ADARB2: variants seen among roughly 807,000 people sequenced by gnomAD.
ADARB2 encodes inactive double-stranded RNA-specific editase B2.
In ADARB2, 25 loss-of-function variants were observed where a neutral mutation model predicts 62.2. The observed-to-expected ratio is 0.40, with a 90% CI of 0.29 to 0.56. The LOEUF (loss-of-function observed/expected upper bound fraction) is 0.56, where lower values mean the gene tolerates loss of function less well. Ranked by LOEUF, ADARB2 falls within the 20% of genes least tolerant of loss-of-function variation. The pLI, the probability that ADARB2 is intolerant of heterozygous loss-of-function variation, is 0.43. For missense variants in ADARB2, 1,071 were observed against 1,077.4 expected (o/e 0.99, Z 0.08); for synonymous variants, 572 against 500.8 (o/e 1.14, Z -1.90).
At chr10:1,611,932 C>A (rs1274155996) in intron 1 of ADARB2, among the ~76,000 whole-genome samples, 1 of 152,154 alleles carries the variant, frequency 6.6e-6, no homozygotes, top group Non-Finnish European at 1.5e-5. Context: ...TCTTCCCGCC[C>A]CCACCTGCCC....
At position 1,677,255 on chromosome 10, in the gene ADARB2, A is replaced by G. The variant is rs138625567; in HGVS notation, c.100+59796T>C. On this transcript the variant is annotated intron_variant, in intron 1 of 9. Transcript: ENST00000381312. ...AGTGCCTTTGGAGGAATTCCTCACT[A>G]GAGTCCTTAAACTGAAGCTGCCGAC... Among the ~76,000 whole-genome samples, 21 of 152,334 alleles carry G rather than the reference A, an allele frequency of 1.4e-4. No individual in the cohort carries two copies. In the East Asian group the frequency reaches 4.0e-3, roughly 29 times the overall value.
intron 1 of ADARB2, chr10:1,678,283 G>C: frequency 1.0e-6 from 1 of 985,118 alleles, no homozygotes. Context: ...CTCGGGGTGA[G>C]CGTCCTCGGG....
intron 3 of ADARB2, among the ~76,000 whole-genome samples, chr10:1,348,407 C>T (rs115096100): frequency 6.6e-6 from 1 of 152,158 alleles, no homozygotes; most frequent in Non-Finnish European, 1.5e-5. Context: ...CACTCCTGGG[C>T]TGTCAGGCGA....
At chr10:1,499,961 T>A (rs901827076) in intron 1 of ADARB2, among the ~76,000 whole-genome samples, 1 of 152,242 alleles carries the variant, frequency 6.6e-6, no homozygotes, top group African/African-American at 2.4e-5. Context: ...TCTGACTACA[T>A]GAAGAAGTGA....
chr10:1,717,745 CT>C (rs1307816673), intron 1 of ADARB2, among the ~76,000 whole-genome samples: 1 of 151,814 alleles, frequency 6.6e-6, no homozygotes, highest in African/African-American at 2.4e-5. Flanking sequence ...GCTGGACTAA[CT>C]TTTGTATTTT....
intron 3 of ADARB2, among the ~76,000 whole-genome samples, chr10:1,345,052 C>T (rs928850664): frequency 6.6e-6 from 1 of 151,516 alleles, no homozygotes; most frequent in Non-Finnish European, 1.5e-5. Flanking sequence ...CGCAGCCTGG[C>T]AGGTGAGCCA....
intron 1 of ADARB2, among the ~76,000 whole-genome samples, chr10:1,723,936 A>G (rs999766090): frequency 1.3e-5 from 2 of 152,132 alleles, no homozygotes; most frequent in African/African-American, 4.8e-5. Flanking sequence ...AGGTAGAGAT[A>G]ATGTTTCTGG....
At chr10:1,497,413 T>A (rs990390232) in intron 1 of ADARB2, among the ~76,000 whole-genome samples, 2 of 152,190 alleles carry the variant, frequency 1.3e-5, no homozygotes, top group Non-Finnish European at 2.9e-5. Flanking sequence ...AATTTCTAAA[T>A]AAGTTTGTGG....
rs539486894 is a variant in ADARB2, at chr10:1,667,380, G to A, written c.100+69671C>T. Among the ~76,000 whole-genome samples, 4 of 152,320 alleles carry A rather than the reference G, an allele frequency of 2.6e-5. No homozygotes were observed. The South Asian group carries it at 8.3e-4, about 32-fold the overall frequency. The stretch of plus-strand genomic sequence containing the variant: ...AGACACTCAAATTTGGTGTATTTAA[G>A]TTGAACTCACATATAGGATATGTAA... On this transcript the variant is annotated intron_variant, in intron 1 of 9. Coordinates refer to ENST00000381312, the MANE Select transcript of ADARB2 (RefSeq NM_018702.4).
intron 3 of ADARB2, among the ~76,000 whole-genome samples, chr10:1,321,486 T>G (rs921558868): frequency 1.3e-5 from 2 of 152,036 alleles, no homozygotes; most frequent in African/African-American, 4.8e-5. Context: ...GCTCAAGTGA[T>G]CCTCCCGCCT....
chr10:1,491,309 A>G (rs749978581), intron 1 of ADARB2, among the ~76,000 whole-genome samples: 22 of 152,114 alleles, frequency 1.4e-4, no homozygotes, highest in Non-Finnish European at 2.8e-4. Context: ...GGCTCAAGCA[A>G]TCCTCCCATC....
At chr10:1,735,097 C>T (rs533803184) in intron 1 of ADARB2, among the ~76,000 whole-genome samples, 2 of 152,246 alleles carry the variant, frequency 1.3e-5, no homozygotes, top group African/African-American at 2.4e-5. Context: ...AGATAGCTGC[C>T]GGCAGGTGCC....
intron 1 of ADARB2, among the ~76,000 whole-genome samples, chr10:1,726,886 C>T (rs757430221): frequency 6.6e-6 from 1 of 152,100 alleles, no homozygotes; most frequent in Non-Finnish European, 1.5e-5. Flanking sequence ...GGAGAGGGCC[C>T]GGGGAAGGAC....
chr10:1,456,456 C>T (rs1402169886), intron 1 of ADARB2, among the ~76,000 whole-genome samples: 1 of 152,166 alleles, frequency 6.6e-6, no homozygotes, highest in Non-Finnish European at 1.5e-5. Context: ...CAGTTCTTGG[C>T]TCTCATGCCT....
At chr10:1,248,852 G>A (rs954056508) in intron 4 of ADARB2, among the ~76,000 whole-genome samples, 1 of 152,218 alleles carries the variant, frequency 6.6e-6, no homozygotes, top group Non-Finnish European at 1.5e-5. Flanking sequence ...CTGCACCCCC[G>A]CCAAAGCACC....
chr10:1,660,528 A>T (rs1337371582), intron 1 of ADARB2, among the ~76,000 whole-genome samples: 1 of 152,184 alleles, frequency 6.6e-6, no homozygotes, highest in Non-Finnish European at 1.5e-5. Flanking sequence ...TAGCTCCAGT[A>T]TCTGGGGCTC....
intron 1 of ADARB2, among the ~76,000 whole-genome samples, chr10:1,643,169 C>T (rs1306928586): frequency 6.6e-6 from 1 of 152,222 alleles, no homozygotes; most frequent in Non-Finnish European, 1.5e-5. Flanking sequence ...CTCTACTCTG[C>T]CTTCCCTATT....
At chr10:1,654,150 C>T (rs1834147535) in intron 1 of ADARB2, among the ~76,000 whole-genome samples, 1 of 152,198 alleles carries the variant, frequency 6.6e-6, no homozygotes, top group South Asian at 2.1e-4. Context: ...TTGTAAGCCA[C>T]ATCAAATCCA....
chr10:1,270,814 C>T, intron 4 of ADARB2, 141 bp downstream of exon 4: 1 of 723,514 alleles, frequency 1.4e-6, no homozygotes, highest in Non-Finnish European at 2.3e-6. Flanking sequence ...CCACTGATCT[C>T]TGTATATGCT....
Sources: gnomAD v4.1 joint callset for allele counts (sites outside exome capture counted in the v4.1 genomes callset) on GRCh38, gnomAD v4.1.1 for gene constraint, MANE v1.5 for transcripts, NCBI Gene and HGNC (gene_info 2026-07-23, HGNC 2026-07-21) for gene names.